The following BRINP2 variants were observed in gnomAD, a reference collection of about 807,000 sequenced individuals.
BRINP2 encodes BMP/retinoic acid-inducible neural-specific protein 2.
BRINP2 carries 21 observed loss-of-function variants against 69.2 expected under a neutral mutation model. The observed-to-expected ratio is 0.30, with a 90% CI of 0.22 to 0.44. The LOEUF is 0.44. Among genes scored for constraint, BRINP2 ranks in the 20% least tolerant of loss-of-function variants. The pLI, the probability that BRINP2 is intolerant of heterozygous loss-of-function variation, is 1.00. For missense variants in BRINP2, 877 were observed against 986.0 expected, an observed-to-expected ratio of 0.89 and a Z score of 1.48; for synonymous variants, 380 against 394.1, an observed-to-expected ratio of 0.96 and a Z score of 0.42.
intron 1 of BRINP2, among the ~76,000 whole-genome samples, chr1:177,182,065 A>G (rs1317355208): frequency 1.3e-5 from 2 of 152,104 alleles, no homozygotes; most frequent in Non-Finnish European, 2.9e-5. Flanking sequence ...CATTTGCAGA[A>G]GCAATCCTGT....
chr1:177,268,974 C>T (rs763658019), intron 4 of BRINP2, among the ~76,000 whole-genome samples: 1 of 152,210 alleles, frequency 6.6e-6, no homozygotes, highest in Non-Finnish European at 1.5e-5. Flanking sequence ...TCTGACTCAC[C>T]TGCACACAGG....
intron 1 of BRINP2, among the ~76,000 whole-genome samples, chr1:177,181,586 A>T (rs1178820211): frequency 6.6e-6 from 1 of 152,192 alleles, no homozygotes; most frequent in Admixed American, 6.5e-5. Context: ...AATCCCCTTG[A>T]GACATAGAAA....
chr1:177,189,927 A>G (rs944967117), intron 1 of BRINP2, among the ~76,000 whole-genome samples: 3 of 152,208 alleles, frequency 2.0e-5, no homozygotes, highest in Admixed American at 6.5e-5. Flanking sequence ...TCACATCATC[A>G]GTGTGCTCTC....
At chr1:177,274,769 A>G (rs1211004613) in intron 5 of BRINP2, among the ~76,000 whole-genome samples, 1 of 152,132 alleles carries the variant, frequency 6.6e-6, no homozygotes, top group African/African-American at 2.4e-5. Flanking sequence ...TGAGTGTTGA[A>G]AGCAAGCATG....
At chr1:177,240,253 C>T (rs1650155118) in intron 2 of BRINP2, among the ~76,000 whole-genome samples, 2 of 152,136 alleles carry the variant, frequency 1.3e-5, no homozygotes, top group African/African-American at 4.8e-5. Context: ...ACCTAATGAT[C>T]CCTTGACATG....
chr1:177,177,825 C>A (rs1295660066), intron 1 of BRINP2, among the ~76,000 whole-genome samples: 4 of 152,142 alleles, frequency 2.6e-5, no homozygotes, highest in African/African-American at 9.7e-5. Context: ...GTTTCAGGCA[C>A]ATTGTAGATG....
At chr1:177,178,959 G>C (rs1200666161) in intron 1 of BRINP2, among the ~76,000 whole-genome samples, 1 of 152,154 alleles carries the variant, frequency 6.6e-6, no homozygotes, top group Non-Finnish European at 1.5e-5. Flanking sequence ...ACACTGTACT[G>C]AAGTTTTACA....
intron 2 of BRINP2, among the ~76,000 whole-genome samples, chr1:177,254,915 G>A (rs1650705590): frequency 1.3e-5 from 2 of 152,310 alleles, no homozygotes; most frequent in East Asian, 1.9e-4. Flanking sequence ...GTGTCAAAAT[G>A]TGGAAGATCT....
At chr1:177,172,045 G>A (rs1647949951) in intron 1 of BRINP2, among the ~76,000 whole-genome samples, 1 of 152,204 alleles carries the variant, frequency 6.6e-6, no homozygotes, top group African/African-American at 2.4e-5. Context: ...ACTCCTATTA[G>A]CTTCAGAAAA....
intron 2 of BRINP2, among the ~76,000 whole-genome samples, chr1:177,246,101 A>G (rs2102337330): frequency 6.6e-6 from 1 of 152,288 alleles, no homozygotes; most frequent in African/African-American, 2.4e-5. Flanking sequence ...CAGGGAAGAG[A>G]TGGCCTCATT....
intron 1 of BRINP2, among the ~76,000 whole-genome samples, chr1:177,220,731 G>A (rs191777848): frequency 2.4e-4 from 37 of 152,314 alleles, no homozygotes; most frequent in Non-Finnish European, 3.8e-4. Flanking sequence ...AAGGGGATGA[G>A]GAATCTGGGC....
At chr1:177,223,353 G>A (rs1389425656) in intron 1 of BRINP2, among the ~76,000 whole-genome samples, 2 of 152,140 alleles carry the variant, frequency 1.3e-5, no homozygotes, top group African/African-American at 4.8e-5. Context: ...GTGTTTTTGT[G>A]TCTGTGTACC....
chr1:177,231,098 A>C (rs1472777914), intron 2 of BRINP2, among the ~76,000 whole-genome samples: 1 of 152,218 alleles, frequency 6.6e-6, no homozygotes, highest in Non-Finnish European at 1.5e-5. Flanking sequence ...CATATTGGCT[A>C]TGCATTTCTA....
chr1:177,177,018 A>G (rs1191031294), intron 1 of BRINP2, among the ~76,000 whole-genome samples: 1 of 152,044 alleles, frequency 6.6e-6, no homozygotes. Flanking sequence ...TTTTATCTCT[A>G]CCACATTATG....
intron 4 of BRINP2, among the ~76,000 whole-genome samples, chr1:177,271,723 T>A (rs1651333996): frequency 6.6e-6 from 1 of 152,210 alleles, no homozygotes; most frequent in South Asian, 2.1e-4. Context: ...TCTCATGCTC[T>A]GTGTCTATTG....
chr1:177,250,006 A>G (rs1385068076), intron 2 of BRINP2, among the ~76,000 whole-genome samples: 1 of 152,132 alleles, frequency 6.6e-6, no homozygotes, highest in Non-Finnish European at 1.5e-5. Flanking sequence ...CTTATGCCTA[A>G]TGTTTCTTTT....
intron 1 of BRINP2, among the ~76,000 whole-genome samples, chr1:177,217,076 C>A (rs188037510): frequency 1.3e-5 from 2 of 151,920 alleles, no homozygotes; most frequent in East Asian, 1.9e-4. Flanking sequence ...TCCATTATTT[C>A]TTTAAATATG....
At chr1:177,259,342 G>A (rs916381309) in intron 4 of BRINP2, among the ~76,000 whole-genome samples, 5 of 152,124 alleles carry the variant, frequency 3.3e-5, no homozygotes, top group African/African-American at 1.2e-4. Flanking sequence ...TGAAGCTAGC[G>A]TAGGTTGGTT....
intron 1 of BRINP2, among the ~76,000 whole-genome samples, chr1:177,224,183 T>C (rs187384579): frequency 3.9e-5 from 6 of 152,156 alleles, no homozygotes; most frequent in Admixed American, 3.3e-4. Flanking sequence ...AATAACAATT[T>C]CTGTGATTTT....
Sources: gnomAD v4.1 joint callset for allele counts (sites outside exome capture counted in the v4.1 genomes callset) on GRCh38, gnomAD v4.1.1 for gene constraint, MANE v1.5 for transcripts, NCBI Gene and HGNC (gene_info 2026-07-23, HGNC 2026-07-21) for gene names.